ZMYM2: variants seen among roughly 807,000 people sequenced by gnomAD.
ZMYM2 encodes zinc finger MYM-type containing 2, also known as zinc finger MYM-type protein 2.
ZMYM2 carries 56 observed loss-of-function variants against 162.8 expected under a neutral mutation model. That is an observed-to-expected ratio of 0.34 (90% CI 0.28 to 0.43). The LOEUF is 0.43. ZMYM2 is among the 20% of genes least tolerant of loss of function. The pLI, the probability that ZMYM2 is intolerant of heterozygous loss-of-function variation, is 1.00. For synonymous variants in ZMYM2, 510 were observed against 541.6 expected, an observed-to-expected ratio of 0.94 and a Z score of 0.81; for missense variants, 1,275 against 1,621.8, an observed-to-expected ratio of 0.79 and a Z score of 3.67.
At chr13:19,963,330 G>T (rs1047211519) in intron 2 of ZMYM2, among the ~76,000 whole-genome samples, 2 of 152,216 alleles carry the variant, frequency 1.3e-5, no homozygotes, top group East Asian at 3.8e-4. Flanking sequence ...AAGCATAGAA[G>T]TGAACAGGAC....
At chr13:19,899,097 C>G in the ZMYM2 span, among the ~76,000 whole-genome samples, 2 of 151,846 alleles carry the variant, frequency 1.3e-5, no homozygotes, top group African/African-American at 4.8e-5. Flanking sequence ...GGATTACAGG[C>G]GCGTGCCACC....
At chr13:19,965,798 G>T in intron 2 of ZMYM2, among the ~76,000 whole-genome samples, 1 of 133,250 alleles carries the variant, frequency 7.5e-6, no homozygotes, top group South Asian at 2.4e-4. Context: ...TTTTGAGACG[G>T]AGTCTTGCTG....
At position 19,961,204 on chromosome 13, in the gene ZMYM2, A is replaced by G. The variant is rs185349857; in HGVS notation, c.-11+1178A>G. ...GAACCTCCATGTACCCATCATTCAC[A>G]TTCTAAAATTATCAATACGTGCCCA... On this transcript the variant is annotated intron_variant, in intron 2 of 24. Transcript: ENST00000610343. 1.2e-3 allele frequency among the ~76,000 whole-genome samples: 178 copies of G among 151,860 alleles called. 1 individual carries two copies. The highest frequency in any genetic ancestry group is 1.1e-3 in the Non-Finnish European group (75 of 67,978).
chr13:19,979,979 A>AT (rs1957171004), intron 2 of ZMYM2, among the ~76,000 whole-genome samples: 1 of 151,092 alleles, frequency 6.6e-6, no homozygotes, highest in Non-Finnish European at 1.5e-5. Context: ...CTTCATCTGT[A>AT]TTTTTTCTTT....
At chr13:19,887,943 T>C in the ZMYM2 span, among the ~76,000 whole-genome samples, 1 of 151,386 alleles carries the variant, frequency 6.6e-6, no homozygotes, top group Admixed American at 6.6e-5. Flanking sequence ...AGCAGTGCTA[T>C]GATCTCTAGC....
At chr13:20,085,638 A>G (rs1593298615) in intron 24 of ZMYM2, among the ~76,000 whole-genome samples, 184 bp from the exon 25 acceptor site, 1 of 152,276 alleles carries the variant, frequency 6.6e-6, no homozygotes, top group East Asian at 1.9e-4. Flanking sequence ...AAATTGTGGG[A>G]AATAATCTCT....
chr13:20,084,978 A>G (rs1958162151), intron 24 of ZMYM2, among the ~76,000 whole-genome samples: 1 of 152,236 alleles, frequency 6.6e-6, no homozygotes. Flanking sequence ...GGATTTTGGA[A>G]TATTTGCATA....
intron 12 of ZMYM2, among the ~76,000 whole-genome samples, chr13:20,043,025 AT>A (rs1009575286): frequency 6.6e-6 from 1 of 151,228 alleles, no homozygotes; most frequent in Non-Finnish European, 1.5e-5. Context: ...TGCCCAGCCA[AT>A]TTTTTTTTCT....
At position 20,034,386 on chromosome 13, in the gene ZMYM2, A is replaced by G. The variant is rs566413758; in HGVS notation, c.2101A>G (p.Arg701Gly). 1.3e-6 allele frequency: 2 copies of G among 1,599,304 alleles called. No homozygotes were observed. The highest frequency in any genetic ancestry group is 2.3e-5 in the South Asian group (2 of 87,414). The change falls in exon 11 of 25, where the codon AGA becomes GGA. Residue 701 changes from arginine (R) to glycine (G), a missense_variant. Arg to Gly is a moderately radical substitution (Grantham distance 125). Around this residue, in one of 10 missense-constraint regions of ZMYM2, gnomAD observed 177 missense variants for 228.0 expected, o/e 0.78. Transcript: ENST00000610343. ...AACAGTAAATTTCTCTGGCGTTAAG[A>G]GACCTTTCTGTAGTGAAGGCAAGTT... is the stretch of plus-strand genomic sequence containing the variant. ...HETVNFSGVK[R>G]PFCSEGCKLL...
In ZMYM2 at chr13:20,059,450, A is replaced by T; in HGVS notation, c.2627A>T (p.Asp876Val). Residue 876 changes from aspartate to valine, a missense_variant, in exon 16 of 25, where the codon GAT becomes GTT. This residue lies in a region of ZMYM2 where 177 missense variants were observed against 228.0 expected (regional missense o/e 0.78). Coordinates refer to ENST00000610343, the MANE Select transcript of ZMYM2 (RefSeq NM_197968.4). ...TAAATATGTTTTGTGTTTTTAGATG[A>T]TACTTGGAGGACAGAATATGTTCCA... ...HMQTKSCQTD[D>V]TWRTEYVPVP... The T allele has an allele frequency of 6.2e-7, 1 of 1,612,980 alleles. No homozygotes were observed. The highest frequency in any genetic ancestry group is 8.5e-7 in the Non-Finnish European group (1 of 1,179,116).
chr13:19,934,732 A>G, the ZMYM2 span, among the ~76,000 whole-genome samples: 1 of 148,626 alleles, frequency 6.7e-6, no homozygotes, highest in African/African-American at 2.5e-5. Flanking sequence ...TTATTTGAAT[A>G]CTCCTTCAAA....
intron 2 of ZMYM2, among the ~76,000 whole-genome samples, chr13:19,991,261 G>A (rs1185108894): frequency 6.6e-6 from 1 of 151,942 alleles, no homozygotes; most frequent in Non-Finnish European, 1.5e-5. Flanking sequence ...CTACAGATGT[G>A]CGCCACCATG....
intron 18 of ZMYM2, among the ~76,000 whole-genome samples, chr13:20,063,527 TC>T (rs1484342484): frequency 6.6e-6 from 1 of 151,404 alleles, no homozygotes; most frequent in Non-Finnish European, 1.5e-5. Context: ...ATGCCTGTAA[TC>T]CCAGCACTTT....
chr13:19,965,238 C>A (rs1424334558), intron 2 of ZMYM2: 5 of 1,299,468 alleles, frequency 3.8e-6, no homozygotes, highest in Non-Finnish European at 5.0e-6. Context: ...GTGTATATTA[C>A]TCTCTGCCGT....
chr13:19,952,462 T>C, the ZMYM2 span, among the ~76,000 whole-genome samples: 1 of 152,184 alleles, frequency 6.6e-6, no homozygotes, highest in Non-Finnish European at 1.5e-5. Flanking sequence ...CACTGCACAA[T>C]GTATATATAT....
chr13:20,024,042 C>G (rs1952354808), intron 7 of ZMYM2, among the ~76,000 whole-genome samples: 1 of 151,680 alleles, frequency 6.6e-6, no homozygotes. Context: ...TCAAGTGATT[C>G]TTGTGCCTCA....
chr13:20,044,531 C>A (rs553516612), intron 12 of ZMYM2, among the ~76,000 whole-genome samples: 1 of 152,196 alleles, frequency 6.6e-6, no homozygotes, highest in African/African-American at 2.4e-5. Context: ...CGGGGCAGCT[C>A]TTCTACCTGG....
At chr13:20,002,731 G>C in intron 3 of ZMYM2, 119 bp from the exon 4 acceptor site, 1 of 1,301,882 alleles carries the variant, frequency 7.7e-7, no homozygotes, top group South Asian at 1.5e-5. Flanking sequence ...CTATGTTGCT[G>C]TTCCATTAAC....
At chr13:19,971,825 T>C (rs1233758800) in intron 2 of ZMYM2, among the ~76,000 whole-genome samples, 1 of 151,578 alleles carries the variant, frequency 6.6e-6, no homozygotes, top group African/African-American at 2.4e-5. Context: ...CATCGTGAAA[T>C]GGCAAAAACT....
Sources: gnomAD v4.1 joint callset for allele counts (sites outside exome capture counted in the v4.1 genomes callset) on GRCh38, gnomAD v4.1.1 for gene constraint, gnomAD v4.1.1 regional missense constraint, MANE v1.5 for transcripts, NCBI Gene and HGNC (gene_info 2026-07-23, HGNC 2026-07-21) for gene names.